Variants in METTL5 observed in about 807,000 individuals in gnomAD.
METTL5 encodes rRNA N(6)-adenosine-methyltransferase METTL5.
Under a neutral mutation model 26.5 loss-of-function variants are expected in METTL5, and 28 were observed. The observed-to-expected ratio is 1.06, with a 90% CI of 0.78 to 1.45. METTL5 has a LOEUF of 1.45. METTL5 is among the 40% of genes most tolerant of loss of function. The pLI, the probability that METTL5 is intolerant of heterozygous loss-of-function variation, is 0.00. For missense variants in METTL5, 231 were observed against 249.9 expected (o/e 0.92, Z 0.51); for synonymous variants, 86 against 82.6 (o/e 1.04, Z -0.22).
At chr2:169,817,781 C>T (rs1429538710) in intron 4 of METTL5, among the ~76,000 whole-genome samples, 8 of 151,252 alleles carry the variant, frequency 5.3e-5, no homozygotes, top group South Asian at 4.2e-4. Context: ...GGGGGGCTGG[C>T]GGAGAGATAG....
chr2:169,814,519 G>T (rs1214894360), intron 5 of METTL5, among the ~76,000 whole-genome samples: 1 of 141,848 alleles, frequency 7.0e-6, no homozygotes, highest in African/African-American at 2.6e-5. Context: ...TAGGAATAAT[G>T]TGGTGGCATT....
At chr2:169,817,905 T>G (rs1256697821) in intron 4 of METTL5, among the ~76,000 whole-genome samples, 2 of 152,046 alleles carry the variant, frequency 1.3e-5, no homozygotes, top group Non-Finnish European at 2.9e-5. Flanking sequence ...GAACTTAAAG[T>G]ATAATTAAAA....
intron 2 of METTL5, 29 bp from the exon 3 acceptor site, chr2:169,821,302 G>T: frequency 6.7e-7 from 1 of 1,497,106 alleles, no homozygotes; most frequent in South Asian, 1.4e-5. Flanking sequence ...TACAAAGAGT[G>T]GCGACTTATA....
At position 169,811,925 on chromosome 2, in the gene METTL5, G is replaced by C. The variant is rs1689972688; in HGVS notation, c.592-67C>G. On this transcript the variant is annotated intron_variant, in intron 6 of 6. Transcript: ENST00000260953. ...TTTGTTATGCAAATGAGATTTCTTT[G>C]AATGTATTGTTCTGTTTGTGTTATT... is the stretch of plus-strand genomic sequence containing the variant. 8.5e-6 allele frequency: 13 copies of C among 1,523,008 alleles called. No individual in the cohort carries two copies. The Admixed American group carries it at 2.3e-4, about 27-fold the overall frequency. 94.3% of individuals were successfully genotyped at this position (1,523,008 alleles called of 1,614,324 possible).
In METTL5 at chr2:169,811,856, C is replaced by A; in HGVS notation, c.594G>T (p.Val198=). ...ACCGAATTAGGTCCACTTCAATGTC[C>A]ACCTGTGAGAAAGGAAAAATTTTTT... is the stretch of plus-strand genomic sequence containing the variant. The part of the protein sequence containing the change: ...ASYKFHKKKS[V]DIEVDLIRFS... The change falls in exon 7 of 7, where the codon GTG becomes GTT. Residue 198 remains valine, a splice_region_variant and synonymous_variant. Transcript: ENST00000260953. 7.4e-6 allele frequency: 12 copies of A among 1,612,734 alleles called. No homozygotes were observed. The highest frequency in any genetic ancestry group is 9.3e-6 in the Non-Finnish European group (11 of 1,179,616).
At position 169,811,818 on chromosome 2, in the gene METTL5, T is replaced by C. The variant is rs774510830; in HGVS notation, c.*2A>G. On this transcript the variant is annotated 3_prime_UTR_variant, in exon 7 of 7. Coordinates refer to ENST00000260953, the MANE Select transcript of METTL5 (RefSeq NM_014168.4). ...TTTAAACGACTTTTGTTTGCGGGGC[T>C]TTTAAAAGGAAAACCGAATTAGGTC... The C allele has an allele frequency of 6.2e-6, 10 of 1,613,570 alleles. No individual in the cohort carries two copies. Among genetic ancestry groups the C allele is most frequent in the Non-Finnish European group, 8.5e-6 (10 of 1,179,786 alleles).
rs982179967 is a variant in METTL5 at position 169,821,803 on chromosome 2, C to G, written c.224+140G>C. ...TTGTAGTTTGTTTAGATCTTCTGCC[C>G]ATTCAAAATGTATTCAGTATCAGAT... On this transcript the variant is annotated intron_variant, in intron 2 of 6. Transcript: ENST00000260953. 1.5e-5 allele frequency: 10 copies of G among 648,668 alleles called. No homozygotes were observed. In the African/African-American group the frequency reaches 1.7e-4, roughly 11 times the overall value. The allele number at this position is 648,668 out of a possible 1,614,324, so 40.2% of individuals were successfully genotyped here. A position where few individuals can be genotyped will look rare whatever the true frequency, so the allele number is the denominator to read the frequency against.
chr2:169,812,217 A>G, intron 6 of METTL5: 1 of 633,204 alleles, frequency 1.6e-6, no homozygotes, highest in Non-Finnish European at 2.6e-6. Context: ...AACACTAGAA[A>G]TAATTACTTG....
chr2:169,811,966 A>G (rs1689976327), intron 6 of METTL5, 108 bp from the exon 7 acceptor site: 5 of 1,269,702 alleles, frequency 3.9e-6, no homozygotes, highest in Non-Finnish European at 5.5e-6. Context: ...TGATTCAAAT[A>G]TCAAAAGGAA....
Position 169,819,543 on chromosome 2 carries a change from C to G in METTL5, c.489+18G>C. 1.3e-6 allele frequency: 2 copies of G among 1,565,536 alleles called. No homozygotes were observed. The highest frequency in any genetic ancestry group is 1.7e-4 in the Middle Eastern group (1 of 5,846). On this transcript the variant is annotated intron_variant, in intron 4 of 6. Transcript: ENST00000260953. ...TTTAAAAATCAATGCCACAGAATAT[C>G]AGATGATTTGAACTTACTTCTCTAG...
At chr2:169,819,779 ACTAT>A in intron 3 of METTL5, 136 bp from the exon 4 acceptor site, 1 of 571,752 alleles carries the variant, frequency 1.7e-6, no homozygotes, top group Non-Finnish European at 3.1e-6. Context: ...GTACAAATAA[ACTAT>A]CAAAATATTA....
At chr2:169,824,322 G>T in intron 1 of METTL5, 167 bp downstream of exon 1, 1 of 604,244 alleles carries the variant, frequency 1.7e-6, no homozygotes, top group Non-Finnish European at 3.0e-6. Flanking sequence ...GTCTGTGGAG[G>T]GTGTGCCTTG....
chr2:169,815,479 G>C lies in METTL5; in HGVS notation c.539C>G (p.Ala180Gly). 6.3e-7 allele frequency: 1 copy of C among 1,598,712 alleles called. No individual in the cohort carries two copies. Among genetic ancestry groups the C allele is most frequent in the East Asian group, 2.2e-5 (1 of 44,692 alleles). The stretch of plus-strand genomic sequence containing the variant: ...ATTAGGATTGAGATTTGTCTTACCT[G>C]CTATAATATCTATCTTGATTTTCCA... The part of the protein sequence containing the change: ...AEWKIKIDII[A>G]ELRYDLPASY... Residue 180 changes from alanine to glycine, a missense_variant and splice_region_variant, in exon 5 of 7, where the codon GCA becomes GGA. Coordinates refer to ENST00000260953, the MANE Select transcript of METTL5 (RefSeq NM_014168.4).
intron 5 of METTL5, 113 bp from the exon 6 acceptor site, chr2:169,812,619 A>G: frequency 1.8e-6 from 2 of 1,130,214 alleles, no homozygotes; most frequent in South Asian, 1.5e-5. Context: ...TGGTAAGCTG[A>G]ACATTTTAGA....
chr2:169,816,355 T>C (rs1015210683), intron 4 of METTL5, among the ~76,000 whole-genome samples: 2 of 152,180 alleles, frequency 1.3e-5, no homozygotes, highest in African/African-American at 4.8e-5. Context: ...CACTGTATCA[T>C]GAAAATGGCC....
Position 169,824,767 on chromosome 2 carries a change from G to A in METTL5, c.-170C>T. 4 of 575,796 alleles carry A rather than the reference G, an allele frequency of 6.9e-6. No individual in the cohort carries two copies. The highest frequency in any genetic ancestry group is 6.1e-5 in the South Asian group (3 of 49,536). 35.7% of individuals were successfully genotyped at this position (575,796 alleles called of 1,614,324 possible). On this transcript the variant is annotated 5_prime_UTR_variant, in exon 1 of 7. Coordinates refer to ENST00000260953, the MANE Select transcript of METTL5 (RefSeq NM_014168.4). ...GACGCCCGGACGCAGGGCACGGGGC[G>A]AGCCTCTGACCCACCTCCCGGCTAA...
intron 1 of METTL5, among the ~76,000 whole-genome samples, chr2:169,822,650 C>T (rs1037252701): frequency 2.6e-5 from 4 of 151,662 alleles, no homozygotes; most frequent in African/African-American, 4.8e-5. Context: ...ACGCTGCTCT[C>T]GAACTCCAGG....
At chr2:169,812,551 G>A (rs774186754) in intron 5 of METTL5, 45 bp from the exon 6 acceptor site, 20 of 1,594,140 alleles carry the variant, frequency 1.3e-5, no homozygotes, top group Admixed American at 3.5e-5. Context: ...ATTTCCAAGC[G>A]TTTACCACCC....
chr2:169,821,611 C>T (rs965998913), intron 2 of METTL5, among the ~76,000 whole-genome samples: 2 of 152,178 alleles, frequency 1.3e-5, no homozygotes, highest in Admixed American at 6.5e-5. Flanking sequence ...GTCTCAAACT[C>T]CTGGGCTCAA....
Sources: allele counts gnomAD v4.1 joint callset (sites outside exome capture counted in the v4.1 genomes callset), GRCh38; gene constraint gnomAD v4.1.1; transcripts MANE v1.5; gene names NCBI Gene and HGNC (gene_info 2026-07-23, HGNC 2026-07-21).